Variants in PCDH15 observed in about 807,000 individuals in gnomAD.
PCDH15 encodes the protein protocadherin related 15, also known as protocadherin-15.
Under a neutral mutation model 178.5 loss-of-function variants are expected in PCDH15, and 129 were observed. The observed-to-expected ratio is 0.72, with a 90% CI of 0.63 to 0.84. PCDH15 has a LOEUF of 0.84. Ranked by LOEUF, PCDH15 falls within the 40% of genes least tolerant of loss-of-function variation. PCDH15 has a pLI of 0.00. For synonymous variants in PCDH15, 800 were observed against 732.0 expected (o/e 1.09, Z -1.50); for missense variants, 2,230 against 2,099.9 (o/e 1.06, Z -1.21).
At chr10:54,216,348 C>T (rs1225172351) in intron 9 of PCDH15, among the ~76,000 whole-genome samples, 2 of 151,268 alleles carry the variant, frequency 1.3e-5, no homozygotes, top group East Asian at 2.0e-4. Flanking sequence ...CCCAGCTACT[C>T]GGGAGGCTGA....
rs200049462 is a variant in PCDH15 at position 54,870,810 on chromosome 10, A to T, written c.-29+26640T>A. The stretch of plus-strand genomic sequence containing the variant: ...CAAAAAAATAAAAAAATAAAAAAAT[A>T]AAAAAAAAATCCACGGAAAAATATC... On this transcript the variant is annotated intron_variant, in intron 3 of 5. Transcript: ENST00000458638. 3.9e-3 allele frequency among the ~76,000 whole-genome samples: 3 copies of T among 772 alleles called. No individual in the cohort carries two copies. In the Non-Finnish European group the frequency reaches 0.05, roughly 13 times the overall value. The allele number at this position is 772 out of a possible 152,430, so 0.5% of individuals were successfully genotyped here.
chr10:55,462,614 G>A (rs998628701), intron 2 of PCDH15, among the ~76,000 whole-genome samples: 2 of 152,056 alleles, frequency 1.3e-5, no homozygotes, highest in African/African-American at 4.8e-5. Context: ...AAATTAAACT[G>A]TTCGAGAAAG....
At chr10:55,563,202 G>A (rs1038945224) in intron 2 of PCDH15, among the ~76,000 whole-genome samples, 26 of 151,720 alleles carry the variant, frequency 1.7e-4, no homozygotes, top group Admixed American at 3.3e-4. Flanking sequence ...CATTGTTTTT[G>A]CACTCCCTTC....
chr10:55,540,718 C>T (rs1385899923), intron 2 of PCDH15, among the ~76,000 whole-genome samples: 1 of 151,976 alleles, frequency 6.6e-6, no homozygotes, highest in Non-Finnish European at 1.5e-5. Context: ...AGATCAAAAT[C>T]GAATATGTTC....
At chr10:55,027,402 T>G (rs1840500946) in intron 2 of PCDH15, among the ~76,000 whole-genome samples, 2 of 151,128 alleles carry the variant, frequency 1.3e-5, no homozygotes, top group Non-Finnish European at 3.0e-5. Context: ...CAAAAAAGAG[T>G]AAACTAAAAA....
chr10:55,463,617 C>A (rs1240781073), intron 2 of PCDH15, among the ~76,000 whole-genome samples: 1 of 151,984 alleles, frequency 6.6e-6, no homozygotes, highest in Non-Finnish European at 1.5e-5. Flanking sequence ...CATGATCACG[C>A]CACTGCCCAA....
chr10:53,847,329 A>C (rs148473000), intron 28 of PCDH15, among the ~76,000 whole-genome samples: 1 of 152,178 alleles, frequency 6.6e-6, no homozygotes, highest in Non-Finnish European at 1.5e-5. Flanking sequence ...TTCCACCCCA[A>C]GTGCTTATCA....
At chr10:53,823,577 G>GA (rs567972606) in intron 32 of PCDH15, 328 of 640,136 alleles carry the variant, frequency 5.1e-4, no homozygotes, top group Middle Eastern at 1.0e-3. Flanking sequence ...AAATGTAAAT[G>GA]AAAAAAAAAG....
chr10:54,051,267 G>C (rs995986330), intron 18 of PCDH15, among the ~76,000 whole-genome samples: 1 of 152,168 alleles, frequency 6.6e-6, no homozygotes, highest in Non-Finnish European at 1.5e-5. Flanking sequence ...GAACAGTTTG[G>C]GGGGCTCAGA....
intron 2 of PCDH15, among the ~76,000 whole-genome samples, chr10:55,546,035 A>G (rs914796319): frequency 6.6e-6 from 1 of 152,188 alleles, no homozygotes; most frequent in Non-Finnish European, 1.5e-5. Context: ...CAAAGTTTTC[A>G]CAGATGGCAC....
At chr10:54,692,691 A>ATAACTCCAAACATCCCTGAT (rs1555152855) in intron 1 of PCDH15, among the ~76,000 whole-genome samples, 1 of 147,266 alleles carries the variant, frequency 6.8e-6, no homozygotes, top group Non-Finnish European at 1.5e-5. Flanking sequence ...TTAAAAGCGA[A>ATAACTCCAAACATCCCTGAT]TAACTCCAAA....
At chr10:55,016,089 T>C (rs1840168861) in intron 2 of PCDH15, among the ~76,000 whole-genome samples, 1 of 76,864 alleles carries the variant, frequency 1.3e-5, no homozygotes, top group African/African-American at 7.9e-5. Flanking sequence ...CTCAATGACC[T>C]TTTTTTTTTA....
chr10:54,699,875 G>A (rs1011172122), intron 1 of PCDH15, among the ~76,000 whole-genome samples: 1 of 151,944 alleles, frequency 6.6e-6, no homozygotes, highest in Non-Finnish European at 1.5e-5. Flanking sequence ...GCATTGCATA[G>A]GGGAAAACAA....
chr10:54,867,910 A>G (rs1200369907), intron 3 of PCDH15, among the ~76,000 whole-genome samples: 1 of 152,198 alleles, frequency 6.6e-6, no homozygotes, highest in East Asian at 1.9e-4. Flanking sequence ...GACTAACTAT[A>G]ATTAATAATA....
chr10:53,948,735 G>A (rs2086775821), intron 23 of PCDH15, among the ~76,000 whole-genome samples: 1 of 152,120 alleles, frequency 6.6e-6, no homozygotes, highest in South Asian at 2.1e-4. Context: ...TCATTTGCCT[G>A]TTTAACACCA....
chr10:55,290,183 G>T (rs1467432536), intron 1 of PCDH15, among the ~76,000 whole-genome samples: 2 of 151,808 alleles, frequency 1.3e-5, no homozygotes, highest in Non-Finnish European at 2.9e-5. Context: ...AACCGTACAT[G>T]TTTGTGTGAA....
chr10:55,152,442 A>G (rs931103431), intron 2 of PCDH15, among the ~76,000 whole-genome samples: 13 of 152,186 alleles, frequency 8.5e-5, no homozygotes, highest in Admixed American at 7.9e-4. Flanking sequence ...TAATGGGTAT[A>G]TAATTTTTAA....
intron 1 of PCDH15, among the ~76,000 whole-genome samples, chr10:55,270,497 T>G (rs992336121): frequency 4.0e-5 from 6 of 151,014 alleles, no homozygotes; most frequent in Non-Finnish European, 7.4e-5. Context: ...GAACAGACAC[T>G]TCGCAAAAGA....
At chr10:54,956,829 TA>T (rs970261892) in intron 2 of PCDH15, among the ~76,000 whole-genome samples, 3 of 151,698 alleles carry the variant, frequency 2.0e-5, no homozygotes, top group African/African-American at 7.2e-5. Flanking sequence ...TTATGTCACT[TA>T]AAACTTTTGT....
Sources: gnomAD v4.1 joint callset for allele counts (sites outside exome capture counted in the v4.1 genomes callset) on GRCh38, gnomAD v4.1.1 for gene constraint, MANE v1.5 for transcripts, NCBI Gene and HGNC (gene_info 2026-07-23, HGNC 2026-07-21) for gene names.